Variants in MYO18B observed in about 807,000 individuals in gnomAD.
MYO18B encodes the protein myosin XVIIIB.
Under a neutral mutation model 273.0 loss-of-function variants are expected in MYO18B, and 204 were observed. The observed-to-expected ratio is 0.75, with a 90% CI of 0.67 to 0.84. MYO18B has a LOEUF of 0.84. MYO18B is among the 40% of genes least tolerant of loss of function. The probability of loss-of-function intolerance (pLI) is 0.00; values close to 1 mark genes in which losing one functional copy is unlikely to be tolerated. For missense variants in MYO18B, 3,212 were observed against 3,287.6 expected (o/e 0.98, Z 0.56); for synonymous variants, 1,330 against 1,305.7 (o/e 1.02, Z -0.40).
chr22:25,828,930 C>T lies in MYO18B; in HGVS notation c.2941C>T (p.Gln981Ter), dbSNP rs1380838142. The T allele has an allele frequency of 6.2e-7, 1 of 1,614,034 alleles. No individual in the cohort carries two copies. The highest frequency in any genetic ancestry group is 1.1e-5 in the South Asian group (1 of 91,080). ...AHERLQLLFY[Q>*]RTFVSTLQRY... ...TGAGCGCCTGCAGCTGCTGTTCTAC[C>T]AGCGGACCTTTGTCTCCACGCTACA... The change falls in exon 15 of 44, where the codon CAG (glutamine) becomes TAG (stop). Residue 981 changes from glutamine (Q) to a stop codon, truncating the protein, a stop_gained. Coordinates refer to ENST00000335473, the MANE Select transcript of MYO18B (RefSeq NM_032608.7). LOFTEE classifies it high-confidence loss of function.
intron 33 of MYO18B, among the ~76,000 whole-genome samples, chr22:25,912,330 G>A (rs2092173731): frequency 6.6e-6 from 1 of 152,170 alleles, no homozygotes; most frequent in South Asian, 2.1e-4. Flanking sequence ...CAGGGCAAGA[G>A]AGCACAGCCC....
chr22:25,752,027 A>C (rs1419641310), intron 1 of MYO18B, among the ~76,000 whole-genome samples: 1 of 152,170 alleles, frequency 6.6e-6, no homozygotes, highest in Non-Finnish European at 1.5e-5. Context: ...AGGCCATGAT[A>C]AACATGCTTT....
chr22:26,054,716 A>G, the MYO18B span, among the ~76,000 whole-genome samples: 2 of 152,206 alleles, frequency 1.3e-5, no homozygotes, highest in Non-Finnish European at 2.9e-5. Flanking sequence ...CACAGAGCCC[A>G]GAGAAAGAGC....
At chr22:25,899,542 T>A (rs1219982905) in intron 29 of MYO18B, 1 of 152,210 alleles carries the variant, frequency 6.6e-6, no homozygotes, top group Non-Finnish European at 1.5e-5. Flanking sequence ...TAAATATTAT[T>A]TATCTTATTT....
In MYO18B at chr22:25,769,394, A is replaced by G; in HGVS notation, c.1478A>G (p.Glu493Gly). ...CAAGACGGGCCAGCCCCGCAGGAGG[A>G]GGGCAAAGGAGGCCAGAGCAGAGAC... ...ENQDGPAPQE[E>G]GKGGQSRDSD... is the part of the protein sequence containing the mutation. The change falls in exon 4 of 44, where the codon GAG (glutamate) becomes GGG (glycine). Residue 493 changes from glutamate to glycine, a missense_variant. Glu to Gly is a moderately conservative substitution (Grantham distance 98, BLOSUM62 -2). Coordinates refer to ENST00000335473, the MANE Select transcript of MYO18B (RefSeq NM_032608.7). 6.4e-7 allele frequency: 1 copy of G among 1,564,276 alleles called. No individual in the cohort carries two copies. Among genetic ancestry groups the G allele is most frequent in the African/African-American group, 1.4e-5 (1 of 73,834 alleles).
intron 12 of MYO18B, among the ~76,000 whole-genome samples, chr22:25,802,615 T>C (rs1415956737): frequency 1.3e-5 from 2 of 151,634 alleles, no homozygotes; most frequent in Non-Finnish European, 2.9e-5. Context: ...TAGCCGGGCA[T>C]GGTGGCAGAC....
chr22:25,976,164 G>C (rs1490640497), intron 39 of MYO18B, among the ~76,000 whole-genome samples: 1 of 152,154 alleles, frequency 6.6e-6, no homozygotes, highest in African/African-American at 2.4e-5. Context: ...TAAGCATTCT[G>C]AAATGTACAG....
the MYO18B span, among the ~76,000 whole-genome samples, chr22:26,059,122 A>G: frequency 6.6e-6 from 1 of 151,874 alleles, no homozygotes; most frequent in South Asian, 2.1e-4. Context: ...GTTTCCCACT[A>G]TGAGGTAGAC....
At chr22:25,956,867 A>C (rs1293900247) in intron 39 of MYO18B, among the ~76,000 whole-genome samples, 1 of 152,084 alleles carries the variant, frequency 6.6e-6, no homozygotes, top group Non-Finnish European at 1.5e-5. Flanking sequence ...AAATATATTA[A>C]TATGTCTCGG....
At chr22:25,974,340 A>AT (rs2093066563) in intron 39 of MYO18B, among the ~76,000 whole-genome samples, 1 of 152,222 alleles carries the variant, frequency 6.6e-6, no homozygotes, top group Non-Finnish European at 1.5e-5. Context: ...TATTAAATTG[A>AT]ACCATATGAA....
chr22:25,791,948 C>T (rs1286221110), intron 11 of MYO18B, among the ~76,000 whole-genome samples: 1 of 152,208 alleles, frequency 6.6e-6, no homozygotes, highest in African/African-American at 2.4e-5. Context: ...GGAGTCGGGA[C>T]TGGGATCCAG....
intron 16 of MYO18B, 38 bp from the exon 17 acceptor site, chr22:25,835,258 T>G (rs1601839590): frequency 6.3e-7 from 1 of 1,599,768 alleles, no homozygotes; most frequent in South Asian, 1.1e-5. Context: ...TTCTGATGGG[T>G]ATCAGGGCCC....
chr22:25,866,138 T>C (rs2146129325), intron 21 of MYO18B, among the ~76,000 whole-genome samples: 1 of 152,276 alleles, frequency 6.6e-6, no homozygotes, highest in East Asian at 1.9e-4. Context: ...TTGAAACTCA[T>C]TTACTAAATT....
In MYO18B at chr22:25,877,869, G is replaced by A. The variant is rs4822667; in HGVS notation, c.4225-90G>A. On this transcript the variant is annotated intron_variant, in intron 24 of 43. Coordinates refer to ENST00000335473, the MANE Select transcript of MYO18B (RefSeq NM_032608.7). ...ATTGCTAAGGTTTATTCCTCCTAAC[G>A]GAAACTTTGTGCCGTTTGCTCACTC... is the stretch of plus-strand genomic sequence containing the variant. The A allele has an allele frequency of 0.028, 27,441 of 975,484 alleles. 509 individuals carry two copies. The highest frequency in any genetic ancestry group is 0.036 in the Non-Finnish European group (23,083 of 642,610). The allele number at this position is 975,484 out of a possible 1,614,324, so 60.4% of individuals were successfully genotyped here.
intron 1 of MYO18B, among the ~76,000 whole-genome samples, chr22:25,744,558 C>T (rs6004749): frequency 1.2e-4 from 18 of 152,046 alleles, no homozygotes; most frequent in South Asian, 4.2e-4. Context: ...GGTGAAACCC[C>T]GTCTCTACTA....
chr22:25,910,894 G>A, intron 32 of MYO18B, 52 bp from the exon 33 acceptor site: 1 of 1,424,142 alleles, frequency 7.0e-7, no homozygotes, highest in Non-Finnish European at 9.7e-7. Context: ...TGTAGGATGT[G>A]TCTGGATGGA....
intron 39 of MYO18B, chr22:25,958,994 G>A (rs377103310): frequency 1.3e-5 from 2 of 152,150 alleles, no homozygotes; most frequent in Non-Finnish European, 2.9e-5. Context: ...ACCCAGTGAG[G>A]AACAGCACAC....
intron 1 of MYO18B, among the ~76,000 whole-genome samples, chr22:25,749,823 A>G: frequency 6.6e-6 from 1 of 152,230 alleles, no homozygotes; most frequent in East Asian, 1.9e-4. Flanking sequence ...GAGTTTAGGA[A>G]AAAAACTGTT....
intron 40 of MYO18B, among the ~76,000 whole-genome samples, chr22:25,997,978 C>CACACACGAGAGAGAGA (rs34431605): frequency 1.4e-5 from 2 of 144,550 alleles, no homozygotes; most frequent in African/African-American, 5.3e-5. Context: ...CACACACACA[C>CACACACGAGAGAGAGA]GAGAGAGAGA....
Sources: gnomAD v4.1 joint callset for allele counts (sites outside exome capture counted in the v4.1 genomes callset) on GRCh38, gnomAD v4.1.1 for gene constraint, MANE v1.5 for transcripts, NCBI Gene and HGNC (gene_info 2026-07-23, HGNC 2026-07-21) for gene names.